The following PPARGC1A variants were observed in gnomAD, a reference collection of about 807,000 sequenced individuals.
The protein encoded by PPARGC1A is PPARG coactivator 1 alpha.
In PPARGC1A, 25 loss-of-function variants were observed where a neutral mutation model predicts 88.7. That is an observed-to-expected ratio of 0.28 (90% CI 0.21 to 0.39). The LOEUF (loss-of-function observed/expected upper bound fraction) is 0.39. PPARGC1A is among the 10% of genes least tolerant of loss of function. The probability of loss-of-function intolerance (pLI) is 1.00; values close to 1 mark genes in which losing one functional copy is unlikely to be tolerated. For missense variants in PPARGC1A, 880 were observed against 968.7 expected (o/e 0.91, Z 1.22); for synonymous variants, 363 against 355.6 (o/e 1.02, Z -0.24).
chr4:24,091,544 G>A, the PPARGC1A span: 4 of 985,368 alleles, frequency 4.1e-6, no homozygotes, highest in Non-Finnish European at 4.8e-6. Context: ...CATTGCTGAT[G>A]CTGCTTGCAC....
chr4:24,100,397 G>A, the PPARGC1A span, among the ~76,000 whole-genome samples: 1 of 152,116 alleles, frequency 6.6e-6, no homozygotes, highest in Non-Finnish European at 1.5e-5. Context: ...CTTTCTCAGG[G>A]ATCTCATTTT....
the PPARGC1A span, among the ~76,000 whole-genome samples, chr4:23,986,235 TA>T: frequency 8.6e-5 from 13 of 151,060 alleles, no homozygotes; most frequent in Admixed American, 4.6e-4. Context: ...TAAGGCAGAT[TA>T]AAAAAAAAGT....
intron 2 of PPARGC1A, chr4:23,883,559 T>A (rs1425983808): frequency 1.3e-5 from 2 of 152,178 alleles, no homozygotes; most frequent in Non-Finnish European, 2.9e-5. Flanking sequence ...GGAAAACAAA[T>A]AACCTCTCTG....
At chr4:24,208,635 C>T in the PPARGC1A span, among the ~76,000 whole-genome samples, 1 of 148,656 alleles carries the variant, frequency 6.7e-6, no homozygotes, top group African/African-American at 2.5e-5. Context: ...CAAGTCTGGT[C>T]CCTGCTTCAT....
At chr4:24,450,151 C>G in the PPARGC1A span, among the ~76,000 whole-genome samples, 1 of 152,166 alleles carries the variant, frequency 6.6e-6, no homozygotes, top group African/African-American at 2.4e-5. Context: ...ATGACTGGGT[C>G]AAGTGGACAT....
the PPARGC1A span, among the ~76,000 whole-genome samples, chr4:23,988,064 G>A: frequency 6.6e-6 from 1 of 150,954 alleles, no homozygotes; most frequent in Non-Finnish European, 1.5e-5. Context: ...GTGTTAGTTT[G>A]CTGAGAATGA....
At chr4:24,115,313 T>G in the PPARGC1A span, among the ~76,000 whole-genome samples, 1 of 152,144 alleles carries the variant, frequency 6.6e-6, no homozygotes, top group Non-Finnish European at 1.5e-5. Context: ...AATGATGTCA[T>G]TTTTTTAAAT....
the PPARGC1A span, among the ~76,000 whole-genome samples, chr4:24,279,959 G>A: frequency 1.3e-5 from 2 of 152,102 alleles, no homozygotes; most frequent in Non-Finnish European, 2.9e-5. Flanking sequence ...CCCTCTGAGA[G>A]CTATTATTAG....
At chr4:24,192,459 A>G in the PPARGC1A span, among the ~76,000 whole-genome samples, 1 of 152,252 alleles carries the variant, frequency 6.6e-6, no homozygotes, top group South Asian at 2.1e-4. Context: ...GACCCTGCCA[A>G]CTGAACATTA....
At chr4:24,123,174 C>A in the PPARGC1A span, among the ~76,000 whole-genome samples, 1 of 152,182 alleles carries the variant, frequency 6.6e-6, no homozygotes, top group Non-Finnish European at 1.5e-5. Flanking sequence ...CCTGGAATCA[C>A]TGCAGCTATC....
the PPARGC1A span, among the ~76,000 whole-genome samples, chr4:23,933,157 C>A: frequency 1.3e-5 from 2 of 152,066 alleles, no homozygotes; most frequent in Admixed American, 1.3e-4. Flanking sequence ...GGGGCCATTC[C>A]CTTTCCAGAA....
the PPARGC1A span, among the ~76,000 whole-genome samples, chr4:24,448,355 G>C: frequency 6.6e-6 from 1 of 152,238 alleles, no homozygotes; most frequent in South Asian, 2.1e-4. Context: ...TCCATCTTTA[G>C]TCCCTGCCCT....
the PPARGC1A span, among the ~76,000 whole-genome samples, chr4:24,289,665 C>T: frequency 6.6e-6 from 1 of 152,176 alleles, no homozygotes; most frequent in Non-Finnish European, 1.5e-5. Context: ...TCTATTTGTA[C>T]TACTTGGGGA....
At chr4:24,242,665 T>A in the PPARGC1A span, among the ~76,000 whole-genome samples, 2 of 152,196 alleles carry the variant, frequency 1.3e-5, no homozygotes, top group Non-Finnish European at 2.9e-5. Flanking sequence ...TAAACAATTC[T>A]TAAAGTCTCG....
the PPARGC1A span, among the ~76,000 whole-genome samples, chr4:24,321,810 A>T: frequency 2.6e-5 from 4 of 152,240 alleles, no homozygotes; most frequent in African/African-American, 9.6e-5. Flanking sequence ...TTCCAATTCA[A>T]ATGAAAAGAG....
chr4:23,848,578 G>C (rs777137100), intron 2 of PPARGC1A, among the ~76,000 whole-genome samples: 1 of 152,094 alleles, frequency 6.6e-6, no homozygotes, highest in African/African-American at 2.4e-5. Flanking sequence ...GAAAACATAA[G>C]GCTTTAGCAA....
At chr4:24,178,607 T>A in the PPARGC1A span, among the ~76,000 whole-genome samples, 1 of 152,344 alleles carries the variant, frequency 6.6e-6, no homozygotes, top group Non-Finnish European at 1.5e-5. Context: ...AAAGAGACTG[T>A]CCGTTTCTAC....
At chr4:24,132,693 T>G in the PPARGC1A span, among the ~76,000 whole-genome samples, 2 of 152,184 alleles carry the variant, frequency 1.3e-5, no homozygotes, top group Non-Finnish European at 2.9e-5. Context: ...GATTTAAAGA[T>G]TGATTCAAAA....
intron 10 of PPARGC1A, among the ~76,000 whole-genome samples, chr4:23,807,101 T>G (rs1186553721): frequency 1.3e-5 from 2 of 152,134 alleles, no homozygotes; most frequent in Non-Finnish European, 2.9e-5. Context: ...TAGTGTTCAT[T>G]CCTAGATTAG....
Sources: gnomAD v4.1 joint callset for allele counts (sites outside exome capture counted in the v4.1 genomes callset) on GRCh38, gnomAD v4.1.1 for gene constraint, MANE v1.5 for transcripts, NCBI Gene and HGNC (gene_info 2026-07-23, HGNC 2026-07-21) for gene names.